The following WDSUB1 variants were observed in gnomAD, a reference collection of about 807,000 sequenced individuals.
WDSUB1 encodes the protein WD repeat, SAM and U-box domain-containing protein 1.
In WDSUB1, 49 loss-of-function variants were observed where a neutral mutation model predicts 53.9. The ratio of observed to expected loss-of-function variants is 0.91; its 90% confidence interval spans 0.72 to 1.15. The LOEUF (loss-of-function observed/expected upper bound fraction) is 1.15. Ranked by LOEUF, WDSUB1 falls within the 50% of genes most tolerant of loss-of-function variation. The pLI is 0.00. For synonymous variants in WDSUB1, 194 were observed against 200.6 expected (o/e 0.97, Z 0.28); for missense variants, 514 against 562.0 (o/e 0.91, Z 0.86).
At chr2:159,278,725 T>A (rs1173108369) in intron 3 of WDSUB1, among the ~76,000 whole-genome samples, 1 of 152,092 alleles carries the variant, frequency 6.6e-6, no homozygotes, top group Non-Finnish European at 1.5e-5. Flanking sequence ...TGGCAAAAAA[T>A]GCATAAGGCC....
chr2:159,247,343 T>C (rs2060821696), intron 10 of WDSUB1, among the ~76,000 whole-genome samples: 1 of 152,144 alleles, frequency 6.6e-6, no homozygotes, highest in Non-Finnish European at 1.5e-5. Context: ...TCAGAGAAGA[T>C]GAATAGATGT....
chr2:159,273,945 C>T (rs1336577784), intron 4 of WDSUB1, among the ~76,000 whole-genome samples: 1 of 152,084 alleles, frequency 6.6e-6, no homozygotes, highest in Non-Finnish European at 1.5e-5. Context: ...TACTAGGTAA[C>T]AAATAATAAT....
chr2:159,237,808 C>T (rs7560543), intron 10 of WDSUB1, among the ~76,000 whole-genome samples: 443 of 145,154 alleles, frequency 3.1e-3, no homozygotes, highest in South Asian at 5.4e-3. Flanking sequence ...CAAATAGTGC[C>T]GTACCAAGGA....
intron 8 of WDSUB1, among the ~76,000 whole-genome samples, chr2:159,256,956 A>G (rs906592445): frequency 1.3e-5 from 2 of 152,206 alleles, no homozygotes; most frequent in African/African-American, 4.8e-5. Context: ...ATTTACCAAC[A>G]GCTTTAACAC....
chr2:159,257,874 A>G lies in WDSUB1; in HGVS notation c.846-10T>C, dbSNP rs1165416543. 6.2e-7 allele frequency: 1 copy of G among 1,612,806 alleles called. No individual in the cohort carries two copies. The highest frequency in any genetic ancestry group is 8.5e-7 in the Non-Finnish European group (1 of 1,178,902). ...ACAAGTTGTGACATACCTAGTTAAT[A>G]AAAACAACTATTATGTATCTTCTGA... On this transcript the variant is annotated splice_polypyrimidine_tract_variant and intron_variant, in intron 7 of 10. Transcript: ENST00000359774.
chr2:159,244,386 T>TAAA (rs11437326), intron 10 of WDSUB1, among the ~76,000 whole-genome samples: 5 of 118,072 alleles, frequency 4.2e-5, no homozygotes, highest in African/African-American at 1.1e-4. Context: ...TAACTGCTGA[T>TAAA]AAAAAAAAAA....
intron 4 of WDSUB1, 32 bp downstream of exon 4, chr2:159,275,514 A>G (rs762523421): frequency 6.0e-6 from 9 of 1,509,152 alleles, no homozygotes; most frequent in Middle Eastern, 1.8e-4. Flanking sequence ...GACCACAAAT[A>G]ATTTTAGAGA....
chr2:159,255,037 G>A (rs1356407442), intron 9 of WDSUB1, among the ~76,000 whole-genome samples: 2 of 152,156 alleles, frequency 1.3e-5, no homozygotes, highest in African/African-American at 4.8e-5. Context: ...GGCTGAGACA[G>A]GAAGACCACT....
chr2:159,239,235 G>A (rs912419674), intron 10 of WDSUB1, among the ~76,000 whole-genome samples: 1 of 142,218 alleles, frequency 7.0e-6, no homozygotes, highest in Non-Finnish European at 1.5e-5. Context: ...GAACACCTTG[G>A]CTCAAACAAC....
intron 2 of WDSUB1, among the ~76,000 whole-genome samples, chr2:159,280,473 C>CCT: frequency 6.6e-6 from 1 of 151,538 alleles, no homozygotes; most frequent in Non-Finnish European, 1.5e-5. Flanking sequence ...GGGCGGATCA[C>CCT]GAGGTCAGGA....
intron 9 of WDSUB1, among the ~76,000 whole-genome samples, chr2:159,255,464 C>A (rs2151086165): frequency 6.6e-6 from 1 of 151,332 alleles, no homozygotes; most frequent in Non-Finnish European, 1.5e-5. Flanking sequence ...GAGACTCCAT[C>A]TCAAAAATAA....
chr2:159,257,914 A>T lies in WDSUB1; in HGVS notation c.845+31T>A, dbSNP rs764287005. ...GTATCTTCTGACTAATTTTTAAATT[A>T]TATTAATACAAGGTGAGGTTAAGTT... is the stretch of plus-strand genomic sequence containing the variant. On this transcript the variant is annotated intron_variant, in intron 7 of 10. Transcript: ENST00000359774. The T allele has an allele frequency of 7.5e-6, 12 of 1,609,934 alleles. 1 individual carries two copies. Among genetic ancestry groups the T allele is most frequent in the Non-Finnish European group, 8.5e-7 (1 of 1,176,834 alleles).
chr2:159,263,285 T>C (rs2061263871), intron 5 of WDSUB1, among the ~76,000 whole-genome samples: 1 of 152,240 alleles, frequency 6.6e-6, no homozygotes, highest in Non-Finnish European at 1.5e-5. Context: ...GATTTTACAC[T>C]TCAGTATTTT....
At chr2:159,247,910 A>ATATATATATAAATATATATAT (rs2060846247) in intron 10 of WDSUB1, among the ~76,000 whole-genome samples, 1 of 17,682 alleles carries the variant, frequency 5.7e-5, no homozygotes, top group Non-Finnish European at 1.3e-4. Flanking sequence ...TATATATATA[A>ATATATATATAAATATATATAT]ATATATATAT....
intron 10 of WDSUB1, among the ~76,000 whole-genome samples, chr2:159,241,309 A>G (rs1187454684): frequency 6.6e-6 from 1 of 152,206 alleles, no homozygotes; most frequent in African/African-American, 2.4e-5. Flanking sequence ...GTAACATAAG[A>G]TGATTCTAAA....
At chr2:159,247,284 T>C in intron 10 of WDSUB1, among the ~76,000 whole-genome samples, 1 of 152,202 alleles carries the variant, frequency 6.6e-6, no homozygotes, top group East Asian at 1.9e-4. Context: ...GTTCCACTAA[T>C]AATGTGGACA....
chr2:159,263,170 G>A (rs1008622175), intron 5 of WDSUB1, among the ~76,000 whole-genome samples: 7 of 152,148 alleles, frequency 4.6e-5, no homozygotes, highest in African/African-American at 7.2e-5. Context: ...CCGTGACATC[G>A]CAGTGACCCA....
At chr2:159,269,236 T>A (rs1314804535) in intron 5 of WDSUB1, among the ~76,000 whole-genome samples, 2 of 149,624 alleles carry the variant, frequency 1.3e-5, no homozygotes, top group Non-Finnish European at 3.0e-5. Context: ...AGTGGTGTGA[T>A]CTCAGCTCAC....
At chr2:159,282,184 C>T (rs532483544) in intron 2 of WDSUB1, among the ~76,000 whole-genome samples, 1 of 145,740 alleles carries the variant, frequency 6.9e-6, no homozygotes, top group East Asian at 2.0e-4. Flanking sequence ...CTTTAGAAGG[C>T]CAGTTAAAAA....
Sources: gnomAD v4.1 joint callset for allele counts (sites outside exome capture counted in the v4.1 genomes callset) on GRCh38, gnomAD v4.1.1 for gene constraint, MANE v1.5 for transcripts, NCBI Gene and HGNC (gene_info 2026-07-23, HGNC 2026-07-21) for gene names.